The following FARS2 variants were observed in gnomAD, a reference collection of about 807,000 sequenced individuals.
FARS2 encodes phenylalanyl-tRNA synthetase 2, mitochondrial.
Under a neutral mutation model 46.4 loss-of-function variants are expected in FARS2, and 40 were observed. That is an observed-to-expected ratio of 0.86 (90% CI 0.67 to 1.12). The LOEUF (loss-of-function observed/expected upper bound fraction) is 1.12. Ranked by LOEUF, FARS2 falls within the 50% of genes most tolerant of loss-of-function variation. The probability of loss-of-function intolerance (pLI) is 0.00; values close to 1 mark genes in which losing one functional copy is unlikely to be tolerated. For missense variants in FARS2, 513 were observed against 567.9 expected, an observed-to-expected ratio of 0.90 and a Z score of 0.98; for synonymous variants, 234 against 214.9, an observed-to-expected ratio of 1.09 and a Z score of -0.78.
chr6:5,581,895 G>A (rs1000245059), intron 5 of FARS2, among the ~76,000 whole-genome samples: 42 of 151,270 alleles, frequency 2.8e-4, no homozygotes, highest in African/African-American at 1.0e-3. Flanking sequence ...ACATACTTAC[G>A]GTTAATTCCT....
intron 4 of FARS2, among the ~76,000 whole-genome samples, chr6:5,478,782 C>G (rs1766275735): frequency 6.6e-6 from 1 of 152,008 alleles, no homozygotes; most frequent in Non-Finnish European, 1.5e-5. Context: ...CCATGAGTGG[C>G]CAGATGGTTG....
chr6:5,573,335 A>G (rs1327698327), intron 5 of FARS2, among the ~76,000 whole-genome samples: 1 of 152,086 alleles, frequency 6.6e-6, no homozygotes. Flanking sequence ...AGTGCTTACC[A>G]TGGGCCAAGA....
At chr6:5,316,171 A>G (rs1054556610) in intron 1 of FARS2, among the ~76,000 whole-genome samples, 2 of 152,254 alleles carry the variant, frequency 1.3e-5, no homozygotes, top group African/African-American at 4.8e-5. Flanking sequence ...GTACTGGGAA[A>G]GATTCACTTA....
At chr6:5,285,880 C>T (rs1033643416) in intron 1 of FARS2, among the ~76,000 whole-genome samples, 1 of 152,204 alleles carries the variant, frequency 6.6e-6, no homozygotes, top group African/African-American at 2.4e-5. Flanking sequence ...GGCTTCTTCT[C>T]TCCAGTTGTT....
At chr6:5,273,354 C>T (rs1490283375) in intron 1 of FARS2, among the ~76,000 whole-genome samples, 1 of 152,124 alleles carries the variant, frequency 6.6e-6, no homozygotes, top group East Asian at 1.9e-4. Flanking sequence ...TGATAAAAGC[C>T]ATTTTAACTG....
chr6:5,409,858 G>A (rs896072781), intron 3 of FARS2, among the ~76,000 whole-genome samples: 3 of 152,284 alleles, frequency 2.0e-5, no homozygotes, highest in Non-Finnish European at 2.9e-5. Flanking sequence ...TGTTTCTGCC[G>A]GTTGTGTTGC....
chr6:5,478,139 C>T (rs1561648897), intron 4 of FARS2, among the ~76,000 whole-genome samples: 1 of 152,186 alleles, frequency 6.6e-6, no homozygotes, highest in Non-Finnish European at 1.5e-5. Context: ...ATTAACCTGG[C>T]ACACGAAGAC....
intron 4 of FARS2, among the ~76,000 whole-genome samples, chr6:5,501,889 C>T (rs781430437): frequency 6.6e-6 from 1 of 152,224 alleles, no homozygotes; most frequent in Non-Finnish European, 1.5e-5. Flanking sequence ...TTTGAGCTTG[C>T]CTGCCCCTCC....
At chr6:5,346,624 A>G (rs1430458914) in intron 1 of FARS2, among the ~76,000 whole-genome samples, 2 of 152,206 alleles carry the variant, frequency 1.3e-5, no homozygotes, top group Non-Finnish European at 2.9e-5. Flanking sequence ...TCGAGCATAC[A>G]GGAAAAGTTG....
chr6:5,462,220 A>G (rs1765282341), intron 4 of FARS2, among the ~76,000 whole-genome samples: 1 of 152,160 alleles, frequency 6.6e-6, no homozygotes, highest in African/African-American at 2.4e-5. Flanking sequence ...TACCTATTCA[A>G]ATATTGCGCC....
At chr6:5,703,599 C>G (rs1758569279) in intron 6 of FARS2, among the ~76,000 whole-genome samples, 1 of 152,160 alleles carries the variant, frequency 6.6e-6, no homozygotes, top group Non-Finnish European at 1.5e-5. Flanking sequence ...TTCACACTAC[C>G]TCTTCCTCCC....
intron 6 of FARS2, among the ~76,000 whole-genome samples, chr6:5,620,087 C>G (rs1775686359): frequency 6.6e-6 from 1 of 151,980 alleles, no homozygotes; most frequent in African/African-American, 2.4e-5. Flanking sequence ...TTTTTAACCT[C>G]TGCACTACTG....
chr6:5,761,129 G>T (rs1443711687), intron 6 of FARS2, among the ~76,000 whole-genome samples: 1 of 152,178 alleles, frequency 6.6e-6, no homozygotes, highest in Non-Finnish European at 1.5e-5. Context: ...AATCCTACTT[G>T]TGCTTTAACA....
chr6:5,478,160 T>C (rs113100209), intron 4 of FARS2, among the ~76,000 whole-genome samples: 156 of 152,244 alleles, frequency 1.0e-3, no homozygotes, highest in African/African-American at 3.5e-3. Flanking sequence ...ACTCAGTCAA[T>C]ATGTGTGGAA....
chr6:5,368,440 G>C (rs1018772378), intron 1 of FARS2, 110 bp from the exon 2 acceptor site: 25 of 914,732 alleles, frequency 2.7e-5, no homozygotes, highest in Non-Finnish European at 4.2e-5. Context: ...AGGTCGTAGT[G>C]GGGGAAACAT....
At chr6:5,265,083 G>T (rs1160099425) in intron 1 of FARS2, among the ~76,000 whole-genome samples, 2 of 151,790 alleles carry the variant, frequency 1.3e-5, no homozygotes, top group Non-Finnish European at 2.9e-5. Context: ...ATAGCTGTGA[G>T]TCGTGGCACT....
chr6:5,667,097 T>C (rs1000990402), intron 6 of FARS2, among the ~76,000 whole-genome samples: 2 of 152,102 alleles, frequency 1.3e-5, no homozygotes, highest in African/African-American at 4.8e-5. Flanking sequence ...AAATAACTAA[T>C]GGGTACTAGG....
intron 4 of FARS2, among the ~76,000 whole-genome samples, chr6:5,543,377 G>GTTTTT (rs33960204): frequency 6.9e-6 from 1 of 143,966 alleles, no homozygotes. Flanking sequence ...GTTGGTGGTG[G>GTTTTT]TTTTTTTTTT....
intron 6 of FARS2, among the ~76,000 whole-genome samples, chr6:5,699,999 A>C (rs374062352): frequency 6.6e-6 from 1 of 152,126 alleles, no homozygotes. Context: ...CACTCTAACT[A>C]TATCGACTGA....
Sources: gnomAD v4.1 joint callset for allele counts (sites outside exome capture counted in the v4.1 genomes callset) on GRCh38, gnomAD v4.1.1 for gene constraint, MANE v1.5 for transcripts, NCBI Gene and HGNC (gene_info 2026-07-23, HGNC 2026-07-21) for gene names.